Variants in SYNPO2 observed in about 807,000 individuals in gnomAD.
The protein encoded by SYNPO2 is synaptopodin 2, also known as synaptopodin-2.
Under a neutral mutation model 85.0 loss-of-function variants are expected in SYNPO2, and 56 were observed. That is an observed-to-expected ratio of 0.66 (90% CI 0.53 to 0.82). The LOEUF (loss-of-function observed/expected upper bound fraction) is 0.82. SYNPO2 is among the 40% of genes least tolerant of loss of function. SYNPO2 has a pLI of 0.00. For missense variants in SYNPO2, 1,575 were observed against 1,534.2 expected, an observed-to-expected ratio of 1.03 and a Z score of -0.44; for synonymous variants, 602 against 591.1, an observed-to-expected ratio of 1.02 and a Z score of -0.27.
At chr4:118,994,557 C>T (rs534453768) in intron 1 of SYNPO2, among the ~76,000 whole-genome samples, 2 of 152,006 alleles carry the variant, frequency 1.3e-5, no homozygotes, top group East Asian at 3.9e-4. Flanking sequence ...ACTGGGGAAT[C>T]GCTGAGTTTG....
At chr4:118,918,765 A>G (rs1733438965) in intron 1 of SYNPO2, among the ~76,000 whole-genome samples, 1 of 152,216 alleles carries the variant, frequency 6.6e-6, no homozygotes, top group Non-Finnish European at 1.5e-5. Flanking sequence ...TAAGATTTTC[A>G]TTTGCCTTTC....
chr4:118,962,270 C>T (rs1413098887), intron 1 of SYNPO2, among the ~76,000 whole-genome samples: 1 of 152,092 alleles, frequency 6.6e-6, no homozygotes, highest in African/African-American at 2.4e-5. Context: ...TCTGTAGCCC[C>T]AGGGTGATAG....
At chr4:119,010,003 C>A (rs914568033) in intron 1 of SYNPO2, among the ~76,000 whole-genome samples, 1 of 152,158 alleles carries the variant, frequency 6.6e-6, no homozygotes, top group Non-Finnish European at 1.5e-5. Context: ...GGTTTTTCTC[C>A]ATAACCATTT....
chr4:119,038,226 GTC>G, intron 4 of SYNPO2: 1 of 984,838 alleles, frequency 1.0e-6, no homozygotes, highest in South Asian at 4.7e-5. Flanking sequence ...AGAGCCTACT[GTC>G]TCTGCTTTGT....
chr4:118,932,336 A>G lies in SYNPO2; in HGVS notation c.105+43195A>G, dbSNP rs141811137. ...CAAAAGAAGATACCAGGTTAGAAAA[A>G]TAAGTCCTCCGAAAAGCTTCCCATC... On this transcript the variant is annotated intron_variant, in intron 1 of 4. Coordinates refer to ENST00000307142, the MANE Select transcript of SYNPO2 (RefSeq NM_133477.3). 2.6e-3 allele frequency among the ~76,000 whole-genome samples: 403 copies of G among 152,346 alleles called. 3 individuals are homozygous for G. The highest frequency in any genetic ancestry group is 9.3e-3 in the African/African-American group (387 of 41,584).
chr4:118,868,815 A>G (rs1402824955), intron 1 of SYNPO2, among the ~76,000 whole-genome samples: 1 of 152,182 alleles, frequency 6.6e-6, no homozygotes, highest in Non-Finnish European at 1.5e-5. Flanking sequence ...TAGAAAACAA[A>G]CTACAGGAAA....
intron 1 of SYNPO2, among the ~76,000 whole-genome samples, chr4:118,981,819 T>A (rs1736018867): frequency 6.6e-6 from 1 of 152,360 alleles, no homozygotes; most frequent in South Asian, 2.1e-4. Flanking sequence ...TTTTTCCTCA[T>A]GTACCTCATA....
chr4:118,992,612 T>C (rs940238154), intron 1 of SYNPO2, among the ~76,000 whole-genome samples: 1 of 152,068 alleles, frequency 6.6e-6, no homozygotes, highest in Non-Finnish European at 1.5e-5. Flanking sequence ...GCCTCCAAGG[T>C]CCTTGGTTCA....
chr4:118,865,448 T>C (rs1731684158), intron 1 of SYNPO2, among the ~76,000 whole-genome samples: 1 of 152,188 alleles, frequency 6.6e-6, no homozygotes, highest in African/African-American at 2.4e-5. Context: ...CAAGAAGCAT[T>C]AAAATCTTGT....
intron 1 of SYNPO2, among the ~76,000 whole-genome samples, chr4:118,868,368 T>C (rs1485762760): frequency 6.6e-6 from 1 of 152,142 alleles, no homozygotes; most frequent in Non-Finnish European, 1.5e-5. Flanking sequence ...CATTTTAAAA[T>C]TGTCAATTTG....
intron 1 of SYNPO2, among the ~76,000 whole-genome samples, chr4:118,890,697 T>TTCTCTCTC (rs796242049): frequency 0.076 from 6,207 of 81,668 alleles, 418 homozygotes; most frequent in African/African-American, 0.1. Context: ...TCTCATCGGT[T>TTCTCTCTC]TCTCTCTCTC....
intron 1 of SYNPO2, among the ~76,000 whole-genome samples, chr4:118,897,833 A>G (rs1473165294): frequency 6.6e-6 from 1 of 152,164 alleles, no homozygotes. Flanking sequence ...GTGTAGTTTG[A>G]ACAGCCAGTT....
chr4:118,984,135 C>T (rs981853758), intron 1 of SYNPO2, among the ~76,000 whole-genome samples: 10 of 152,186 alleles, frequency 6.6e-5, no homozygotes, highest in Non-Finnish European at 1.3e-4. Context: ...TCCCCTCTTC[C>T]TCATTCCAGC....
At chr4:119,025,518 CA>C (rs970942186) in intron 2 of SYNPO2, among the ~76,000 whole-genome samples, 2 of 152,038 alleles carry the variant, frequency 1.3e-5, no homozygotes, top group African/African-American at 4.8e-5. Context: ...CAGTTGAAAG[CA>C]AAGGTAGGAG....
intron 1 of SYNPO2, among the ~76,000 whole-genome samples, chr4:118,978,881 C>A (rs890392703): frequency 1.3e-5 from 2 of 151,880 alleles, no homozygotes; most frequent in Non-Finnish European, 2.9e-5. Flanking sequence ...GTATAGGACT[C>A]CCTTGTCCAA....
At chr4:118,995,899 TATCTATC>T (rs1736574926) in intron 1 of SYNPO2, among the ~76,000 whole-genome samples, 1 of 150,940 alleles carries the variant, frequency 6.6e-6, no homozygotes, top group South Asian at 2.1e-4. Flanking sequence ...TCTATCTATC[TATCTATC>T]ATCTATCTAA....
intron 1 of SYNPO2, among the ~76,000 whole-genome samples, chr4:119,021,285 A>G (rs1451412308): frequency 6.6e-6 from 1 of 152,218 alleles, no homozygotes; most frequent in Non-Finnish European, 1.5e-5. Context: ...TTAAACCTAT[A>G]TGAGTTAATA....
At position 119,026,776 on chromosome 4, in the gene SYNPO2, T is replaced by A. The variant is rs2149187465; in HGVS notation, c.407T>A (p.Val136Asp). 1.2e-6 allele frequency: 2 copies of A among 1,613,520 alleles called. No homozygotes were observed. Among genetic ancestry groups the A allele is most frequent in the East Asian group, 4.5e-5 (2 of 44,830 alleles). Reference protein sequence around the residue: ...TQCTEFFLAPVKTEVPLAENQ... With the variant: ...TQCTEFFLAPDKTEVPLAENQ... ...TGCACAGAATTCTTCCTCGCCCCTGTCAAGACTGAAGTTCCCCTAGCTGAG... is the reference window on the plus strand; with the variant it reads ...TGCACAGAATTCTTCCTCGCCCCTGACAAGACTGAAGTTCCCCTAGCTGAG... The change falls in exon 3 of 5, where the codon GTC becomes GAC. Residue 136 changes from valine (V) to aspartate (D), a missense_variant. Val to Asp is a radical substitution (Grantham distance 152, BLOSUM62 -3). This residue lies in a region of SYNPO2 where 1,508 missense variants were observed against 1,446.8 expected (regional missense o/e 1.04). Coordinates refer to ENST00000307142, the MANE Select transcript of SYNPO2 (RefSeq NM_133477.3).
chr4:118,900,693 CTCTCTCTCTCTATATATATATATA>C (rs1560840624), intron 1 of SYNPO2, among the ~76,000 whole-genome samples: 1 of 49,966 alleles, frequency 2.0e-5, no homozygotes, highest in South Asian at 8.2e-4. Context: ...CTCTCTCTCT[CTCTCTCTCTCTATATATATATATA>C]TATATATATA....
Sources: gnomAD v4.1 joint callset for allele counts (sites outside exome capture counted in the v4.1 genomes callset) on GRCh38, gnomAD v4.1.1 for gene constraint, gnomAD v4.1.1 regional missense constraint, MANE v1.5 for transcripts, NCBI Gene and HGNC (gene_info 2026-07-23, HGNC 2026-07-21) for gene names.